NCS1: variants seen among roughly 807,000 people sequenced by gnomAD.
NCS1 encodes neuronal calcium sensor 1.
In NCS1, 6 loss-of-function variants were observed where a neutral mutation model predicts 28.4. That is an observed-to-expected ratio of 0.21 (90% confidence interval 0.12 to 0.42). NCS1 has a LOEUF of 0.42. Ranked by LOEUF, NCS1 falls within the 10% of genes least tolerant of loss-of-function variation. NCS1 has a pLI of 1.00. For synonymous variants in NCS1, 86 were observed against 99.3 expected (o/e 0.87, Z 0.79); for missense variants, 131 against 241.4 (o/e 0.54, Z 3.03).
In NCS1 at chr9:130,235,028, G is replaced by C; in HGVS notation, c.*2056G>C. 1 of 152,580 alleles carries C rather than the reference G, an allele frequency of 6.6e-6. No homozygotes were observed. Among genetic ancestry groups the C allele is most frequent in the Non-Finnish European group, 1.5e-5 (1 of 68,272 alleles). The allele number at this position is 152,580 out of a possible 1,614,324, so 9.5% of individuals were successfully genotyped here. A position where few individuals can be genotyped will look rare whatever the true frequency, so the allele number is the denominator to read the frequency against. On this transcript the variant is annotated 3_prime_UTR_variant, in exon 8 of 8. Transcript: ENST00000372398. The stretch of plus-strand genomic sequence containing the variant: ...CGTTGCCGTGTGGGGCTGCGTGGCT[G>C]TTCCCCTTGGCTGGAGCATTCAGCC...
intron 2 of NCS1, among the ~76,000 whole-genome samples, chr9:130,213,014 C>T (rs1833133100): frequency 6.6e-6 from 1 of 152,168 alleles, no homozygotes; most frequent in Non-Finnish European, 1.5e-5. Context: ...TTGAGGCAGG[C>T]TCCCTCCTCC....
intron 1 of NCS1, among the ~76,000 whole-genome samples, chr9:130,190,068 A>G (rs979323704): frequency 1.8e-5 from 2 of 111,612 alleles, no homozygotes; most frequent in Non-Finnish European, 2.0e-5. Flanking sequence ...GAGAGAGAAT[A>G]TATGTGGTCA....
intron 1 of NCS1, among the ~76,000 whole-genome samples, chr9:130,198,193 G>C (rs1832899898): frequency 6.6e-6 from 1 of 152,164 alleles, no homozygotes; most frequent in Non-Finnish European, 1.5e-5. Context: ...CCTTTCCAAT[G>C]GGGGGAGCCC....
At chr9:130,189,858 C>CAAAA (rs869189538) in intron 1 of NCS1, among the ~76,000 whole-genome samples, 16 of 43,114 alleles carry the variant, frequency 3.7e-4, no homozygotes, top group Non-Finnish European at 3.4e-4. Context: ...GACTCCATCT[C>CAAAA]AAAAAAAAAA....
chr9:130,188,266 G>C (rs555567355), intron 1 of NCS1, among the ~76,000 whole-genome samples: 3 of 152,310 alleles, frequency 2.0e-5, no homozygotes, highest in Non-Finnish European at 4.4e-5. Flanking sequence ...GCTCTGGATG[G>C]CCTCTGAGGC....
At chr9:130,182,935 G>A (rs1554905271) in intron 1 of NCS1, among the ~76,000 whole-genome samples, 1 of 152,206 alleles carries the variant, frequency 6.6e-6, no homozygotes. Flanking sequence ...GGGGCATGGT[G>A]GCCAAGGGGA....
intron 1 of NCS1, among the ~76,000 whole-genome samples, chr9:130,195,375 C>T (rs1167194453): frequency 6.6e-6 from 1 of 152,082 alleles, no homozygotes; most frequent in Non-Finnish European, 1.5e-5. Flanking sequence ...GGGGGCTTCC[C>T]AAGGGGCCAA....
intron 2 of NCS1, among the ~76,000 whole-genome samples, chr9:130,207,831 C>T (rs1833048391): frequency 2.0e-5 from 3 of 152,282 alleles, no homozygotes; most frequent in South Asian, 2.1e-4. Flanking sequence ...CTGCTGGTGC[C>T]GTTGTCTGTA....
intron 1 of NCS1, among the ~76,000 whole-genome samples, chr9:130,188,719 T>C (rs1554905919): frequency 6.9e-6 from 1 of 145,076 alleles, no homozygotes; most frequent in East Asian, 2.1e-4. Flanking sequence ...CCTCTTTCCT[T>C]TGTTTTTCTT....
intron 7 of NCS1, among the ~76,000 whole-genome samples, chr9:130,227,187 C>T (rs1166042352): frequency 6.6e-6 from 1 of 152,218 alleles, no homozygotes; most frequent in Non-Finnish European, 1.5e-5. Flanking sequence ...TCCTAGCTGT[C>T]ACAGAATGAT....
rs893513297 is a variant in NCS1 at position 130,229,568 on chromosome 9, G to A, written c.*17+3064G>A. Among the ~76,000 whole-genome samples the A allele has an allele frequency of 8.5e-5, 13 of 152,210 alleles. No individual in the cohort carries two copies. In the South Asian group the frequency reaches 2.5e-3, roughly 29 times the overall value. On this transcript the variant is annotated intron_variant, in intron 7 of 7. Transcript: ENST00000372398. ...GCGCCTGGCCAATATTTCCATCATA[G>A]AAATGTTTGACGTGTACCTTGACAT...
intron 1 of NCS1, among the ~76,000 whole-genome samples, chr9:130,195,262 C>T (rs1432595320): frequency 1.3e-5 from 2 of 152,198 alleles, no homozygotes; most frequent in Non-Finnish European, 2.9e-5. Context: ...CTCTGGACCG[C>T]TGTACTTCAC....
intron 7 of NCS1, among the ~76,000 whole-genome samples, chr9:130,229,267 T>C (rs1833465144): frequency 1.2e-5 from 1 of 82,358 alleles, no homozygotes; most frequent in South Asian, 3.1e-4. Context: ...TAATATTTCT[T>C]TTTTTTTTTT....
chr9:130,186,240 TCA>T lies in NCS1; in HGVS notation c.64+13516_64+13517del, dbSNP rs1188943283. Among the ~76,000 whole-genome samples the T allele has an allele frequency of 6.6e-6, 1 of 152,148 alleles. No homozygotes were observed. Among genetic ancestry groups the T allele is most frequent in the African/African-American group, 2.4e-5 (1 of 41,432 alleles). On this transcript the variant is annotated intron_variant, in intron 1 of 7. Transcript: ENST00000372398. The surrounding 1 kb of genome is among the most constrained non-coding windows in gnomAD (Gnocchi z 4.1). ...GCTGGATTTCTGGCCCTGCTGGCAT[TCA>T]CAGTTTGGCGGGGAGGCAGATGTCA...
At chr9:130,179,416 C>A (rs1260027745) in intron 1 of NCS1, among the ~76,000 whole-genome samples, 5 of 152,158 alleles carry the variant, frequency 3.3e-5, no homozygotes, top group Admixed American at 2.6e-4. Flanking sequence ...GGACAGTTAG[C>A]TTCCTCCTCC....
At chr9:130,190,329 A>G (rs782684325) in intron 1 of NCS1, among the ~76,000 whole-genome samples, 4 of 151,810 alleles carry the variant, frequency 2.6e-5, no homozygotes, top group African/African-American at 4.8e-5. Flanking sequence ...TCACAGAGAC[A>G]GAACAAAACC....
chr9:130,190,175 C>T (rs1036153559), intron 1 of NCS1, among the ~76,000 whole-genome samples: 1 of 151,936 alleles, frequency 6.6e-6, no homozygotes, highest in African/African-American at 2.4e-5. Flanking sequence ...AAAACAAGAA[C>T]ATGCATTCTG....
At chr9:130,217,723 T>G in intron 2 of NCS1, 109 bp from the exon 3 acceptor site, 1 of 1,532,676 alleles carries the variant, frequency 6.5e-7, no homozygotes. Context: ...GCACCATCTC[T>G]TTGAACAAGG....
intron 1 of NCS1, among the ~76,000 whole-genome samples, chr9:130,184,692 A>G (rs1437467116): frequency 6.6e-6 from 1 of 151,840 alleles, no homozygotes; most frequent in Non-Finnish European, 1.5e-5. Flanking sequence ...AAATGGTGCA[A>G]TCTCGGCTCA....
Sources: allele counts gnomAD v4.1 joint callset (sites outside exome capture counted in the v4.1 genomes callset), GRCh38; gene constraint gnomAD v4.1.1; non-coding constraint Gnocchi (gnomAD v3.1); transcripts MANE v1.5; gene names NCBI Gene and HGNC (gene_info 2026-07-23, HGNC 2026-07-21).